The following PIAS3 variants were observed in gnomAD, a reference collection of about 807,000 sequenced individuals.
PIAS3 encodes the protein E3 SUMO-protein ligase PIAS3.
PIAS3 carries 34 observed loss-of-function variants against 67.6 expected under a neutral mutation model. The observed-to-expected ratio is 0.50, with a 90% CI of 0.38 to 0.67. PIAS3 has a LOEUF of 0.67. Among genes scored for constraint, PIAS3 ranks in the 30% least tolerant of loss-of-function variants. The pLI is 0.00. For missense variants in PIAS3, 693 were observed against 791.6 expected (o/e 0.88, Z 1.49); for synonymous variants, 341 against 313.8 (o/e 1.09, Z -0.92).
At chr1:145,856,180 G>T in intron 3 of PIAS3, 62 bp from the exon 4 acceptor site, 1 of 1,427,690 alleles carries the variant, frequency 7.0e-7, no homozygotes, top group Non-Finnish European at 9.9e-7. Flanking sequence ...AAGGGTGAAT[G>T]CACAGAAAGG....
At chr1:145,854,694 T>C in intron 6 of PIAS3, 52 bp downstream of exon 6, 2 of 1,613,372 alleles carry the variant, frequency 1.2e-6, no homozygotes, top group Non-Finnish European at 1.7e-6. Flanking sequence ...ACTGGATGGT[T>C]CCCCTTCACC....
chr1:145,857,726 G>C (rs587733120), intron 1 of PIAS3, among the ~76,000 whole-genome samples: 1 of 152,302 alleles, frequency 6.6e-6, no homozygotes, highest in South Asian at 2.1e-4. Flanking sequence ...TTGGGTCGGG[G>C]AGATTAACAG....
At chr1:145,858,029 G>A (rs1213443598) in intron 1 of PIAS3, among the ~76,000 whole-genome samples, 1 of 152,144 alleles carries the variant, frequency 6.6e-6, no homozygotes, top group Non-Finnish European at 1.5e-5. Flanking sequence ...AAAACCAGGA[G>A]GCAGGCGGAT....
intron 7 of PIAS3, 110 bp from the exon 8 acceptor site, chr1:145,853,996 G>A (rs587654497): frequency 3.2e-5 from 27 of 839,790 alleles, no homozygotes; most frequent in South Asian, 9.1e-5. Flanking sequence ...TGGGTGGAGC[G>A]TCTTTGGGGG....
At chr1:145,855,987 T>A in intron 4 of PIAS3, 81 bp downstream of exon 4, 1 of 1,213,208 alleles carries the variant, frequency 8.2e-7, no homozygotes, top group Non-Finnish European at 1.2e-6. Context: ...AGCAGGGACA[T>A]CTCGTAAGGG....
In PIAS3 at chr1:145,856,697, C is replaced by T; in HGVS notation, c.334G>A (p.Glu112Lys). Residue 112 changes from glutamate (E) to lysine (K), a missense_variant, in exon 2 of 14, where the codon GAG becomes AAG. Glu to Lys is a moderately conservative substitution (Grantham distance 56). This residue lies in a region of PIAS3 where 308 missense variants were observed against 348.8 expected (regional missense o/e 0.88). Transcript: ENST00000393045. ...APGTLLGPKR[E>K]VDMHPPLPQP... ...GGCAGAGGGGGGTGCATGTCCACCTCACGCTTGGGGCCCAGCAGGGTGCCA... is the reference window on the plus strand; with the variant it reads ...GGCAGAGGGGGGTGCATGTCCACCTTACGCTTGGGGCCCAGCAGGGTGCCA... 2 of 1,612,076 alleles carry T rather than the reference C, an allele frequency of 1.2e-6. No homozygotes were observed. The highest frequency in any genetic ancestry group is 8.5e-7 in the Non-Finnish European group (1 of 1,178,590).
intron 13 of PIAS3, chr1:145,850,008 G>A: frequency 7.0e-7 from 1 of 1,437,266 alleles, no homozygotes; most frequent in South Asian, 1.5e-5. Context: ...GTAGGGGTGA[G>A]TAGGCCAGGG....
At position 145,849,989 on chromosome 1, in the gene PIAS3, C is replaced by A. The variant is rs1468123820; in HGVS notation, c.1620+243G>T. ...TAGAGCAGGCATGGTGCTCTAAGTG[C>A]ACACGGGGGTAGGGGTGAGTAGGCC... On this transcript the variant is annotated intron_variant, in intron 13 of 13. Coordinates refer to ENST00000393045, the MANE Select transcript of PIAS3 (RefSeq NM_006099.3). The A allele has an allele frequency of 6.3e-6, 9 of 1,431,168 alleles. No individual in the cohort carries two copies. The African/African-American group carries it at 1.3e-4, about 21-fold the overall frequency. 88.7% of individuals were successfully genotyped at this position (1,431,168 alleles called of 1,614,324 possible).
intron 7 of PIAS3, 37 bp downstream of exon 7, chr1:145,854,421 C>T (rs1183284982): frequency 7.1e-7 from 1 of 1,403,728 alleles, no homozygotes; most frequent in Admixed American, 1.7e-5. Context: ...GACTTGAATC[C>T]AGATCAGGTG....
At chr1:145,855,568 A>G (rs1456047352) in intron 5 of PIAS3, among the ~76,000 whole-genome samples, 168 bp downstream of exon 5, 2 of 152,284 alleles carry the variant, frequency 1.3e-5, no homozygotes, top group African/African-American at 4.8e-5. Context: ...ACCTTTGTTC[A>G]GCCCTATCTT....
At chr1:145,851,286 C>T (rs186055986) in intron 9 of PIAS3, 133 bp from the exon 10 acceptor site, 4 of 873,258 alleles carry the variant, frequency 4.6e-6, no homozygotes, top group African/African-American at 3.4e-5. Context: ...CCTACTGGAC[C>T]GCTCTGAGTT....
rs1553735166 is a variant in PIAS3, at chr1:145,854,726, C to T, written c.804+20G>A. 1 of 1,614,186 alleles carries T rather than the reference C, an allele frequency of 6.2e-7. No individual in the cohort carries two copies. Among genetic ancestry groups the T allele is most frequent in the Admixed American group, 1.7e-5 (1 of 60,022 alleles). On this transcript the variant is annotated intron_variant, in intron 6 of 13. Coordinates refer to ENST00000393045, the MANE Select transcript of PIAS3 (RefSeq NM_006099.3). ...CACCCTCAGCAGGCTTTTCCAGGCA[C>T]CTGCTTTAGCTGTGCTCACCCGTCC...
Position 145,856,974 on chromosome 1 carries a change from G to C in PIAS3, c.57C>G (p.Leu19=), listed in dbSNP as rs1553735776. Residue 19 remains leucine (L), a synonymous_variant, in exon 2 of 14, where the codon CTC becomes CTG. Transcript: ENST00000393045. ...HMVMSFRVSE[L]QVLLGFAGRN... ...GGCCAGCAAAGCCAAGAAGCACCTG[G>C]AGCTCAGACACCCGGAAACTCATCA... 2 of 1,614,106 alleles carry C rather than the reference G, an allele frequency of 1.2e-6. 1 individual carries two copies. The highest frequency in any genetic ancestry group is 2.2e-5 in the South Asian group (2 of 91,082).
intron 5 of PIAS3, among the ~76,000 whole-genome samples, chr1:145,855,496 C>A (rs1471808977): frequency 2.0e-4 from 30 of 148,600 alleles, no homozygotes; most frequent in Admixed American, 1.6e-3. Flanking sequence ...AAAAAAAAAA[C>A]AAAAAAGAAG....
In PIAS3 at chr1:145,854,078, C is replaced by T. The variant is rs1263026431; in HGVS notation, c.911-192G>A. On this transcript the variant is annotated intron_variant, in intron 7 of 13. Transcript: ENST00000393045. ...GCTGGGTGTGGGGGATTTTCCCATC[C>T]CTGAAGATGCTTAAACATAGCGTGA... The T allele has an allele frequency of 1.6e-5, 10 of 606,530 alleles. No individual in the cohort carries two copies. In the Admixed American group the frequency reaches 1.7e-4, roughly 11 times the overall value. 37.6% of individuals were successfully genotyped at this position (606,530 alleles called of 1,614,324 possible). A position where few individuals can be genotyped will look rare whatever the true frequency, so the allele number is the denominator to read the frequency against.
chr1:145,853,519 G>A lies in PIAS3; in HGVS notation c.1130C>T (p.Ser377Phe). ...PVCDKKAPYE[S>F]LIIDGLFMEI... Reference sequence around the variant, plus strand: ...ATGGCCCTACCCATCAATGATAAGAGATTCATAGGGAGCCTTCTTGTCACA... The same window carrying A: ...ATGGCCCTACCCATCAATGATAAGAAATTCATAGGGAGCCTTCTTGTCACA... The change falls in exon 9 of 14, where the codon TCT becomes TTT. Residue 377 changes from serine (S) to phenylalanine (F), a missense_variant. By Grantham distance (155) the Ser-to-Phe change is radical (BLOSUM62 -2). Coordinates refer to ENST00000393045, the MANE Select transcript of PIAS3 (RefSeq NM_006099.3). The A allele has an allele frequency of 6.2e-7, 1 of 1,611,738 alleles. No homozygotes were observed. Among genetic ancestry groups the A allele is most frequent in the Non-Finnish European group, 8.5e-7 (1 of 1,178,886 alleles).
chr1:145,851,678 C>G (rs755620004), intron 9 of PIAS3, among the ~76,000 whole-genome samples: 12 of 141,178 alleles, frequency 8.5e-5, no homozygotes, highest in East Asian at 2.1e-4. Flanking sequence ...AAAAAAAAAG[C>G]CGGCGTGGTG....
In PIAS3 at chr1:145,850,484, T is replaced by G. The variant is rs1449255716; in HGVS notation, c.1551A>C (p.Pro517=). The change falls in exon 12 of 14, where the codon CCA becomes CCC. Residue 517 remains proline, a synonymous_variant. Transcript: ENST00000393045. ...FLSSLPLHEY[P]PAFPLGADIQ... ...TGTCGGCTCCCAGTGGGAAGGCAGG[T>G]GGGTACTCATGTAGTGGGAGACTGG... The G allele has an allele frequency of 1.2e-6, 2 of 1,614,012 alleles. No homozygotes were observed. Among genetic ancestry groups the G allele is most frequent in the African/African-American group, 2.7e-5 (2 of 74,896 alleles).
At chr1:145,852,239 C>T (rs1318305412) in intron 9 of PIAS3, among the ~76,000 whole-genome samples, 2 of 152,098 alleles carry the variant, frequency 1.3e-5, no homozygotes, top group Non-Finnish European at 2.9e-5. Context: ...GTCTGGGCAA[C>T]AGAACGAGAC....
Sources: gnomAD v4.1 joint callset for allele counts (sites outside exome capture counted in the v4.1 genomes callset) on GRCh38, gnomAD v4.1.1 for gene constraint, gnomAD v4.1.1 regional missense constraint, MANE v1.5 for transcripts, NCBI Gene and HGNC (gene_info 2026-07-23, HGNC 2026-07-21) for gene names.